The following MYO18B variants were observed in gnomAD, a reference collection of about 807,000 sequenced individuals.
MYO18B encodes the protein myosin XVIIIB, also known as unconventional myosin-XVIIIb.
Under a neutral mutation model 273.0 loss-of-function variants are expected in MYO18B, and 204 were observed. The observed-to-expected ratio is 0.75, with a 90% confidence interval of 0.67 to 0.84. The LOEUF (loss-of-function observed/expected upper bound fraction) is 0.84. Ranked by LOEUF, MYO18B falls within the 40% of genes least tolerant of loss-of-function variation. MYO18B has a pLI of 0.00. For synonymous variants in MYO18B, 1,330 were observed against 1,305.7 expected, an observed-to-expected ratio of 1.02 and a Z score of -0.40; for missense variants, 3,212 against 3,287.6, an observed-to-expected ratio of 0.98 and a Z score of 0.56.
intron 32 of MYO18B, 72 bp downstream of exon 32, chr22:25,908,504 G>T: frequency 1.6e-6 from 2 of 1,281,636 alleles, no homozygotes; most frequent in Non-Finnish European, 2.2e-6. Flanking sequence ...CTTCCTTAGA[G>T]CGAGGAGTAG....
intron 42 of MYO18B, among the ~76,000 whole-genome samples, chr22:26,006,834 T>A (rs1409891429): frequency 6.6e-6 from 1 of 152,198 alleles, no homozygotes; most frequent in African/African-American, 2.4e-5. Context: ...TAGCCATTTT[T>A]ATCAGCAGCA....
Position 25,946,179 on chromosome 22 carries a change from CAGA to C in MYO18B, c.5563_5565del (p.Lys1855del). 6.3e-7 allele frequency: 1 copy of C among 1,580,524 alleles called. No individual in the cohort carries two copies. The highest frequency in any genetic ancestry group is 8.6e-7 in the Non-Finnish European group (1 of 1,166,152). On this transcript the variant is annotated inframe_deletion, in exon 35 of 44. Coordinates refer to ENST00000335473, the MANE Select transcript of MYO18B (RefSeq NM_032608.7). ...CAAGTGTGAGGAGGCCTTGAAGACG[CAGA>C]AGGTGCTCACAGCGGACCTGGAGAG...
Position 26,027,796 on chromosome 22 carries a change from T to G in MYO18B, c.*12+106T>G. 2.3e-5 allele frequency: 29 copies of G among 1,241,060 alleles called. No individual in the cohort carries two copies. The highest frequency in any genetic ancestry group is 3.1e-5 in the Non-Finnish European group (28 of 916,594). 76.9% of individuals were successfully genotyped at this position (1,241,060 alleles called of 1,614,324 possible). A position where few individuals can be genotyped will look rare whatever the true frequency, so the allele number is the denominator to read the frequency against. ...TCCTTAATGCCACAACCGATTTCTC[T>G]AGAGACCAAGATTTTTAGAGGTTTT... is the stretch of plus-strand genomic sequence containing the variant. On this transcript the variant is annotated intron_variant, in intron 43 of 43. Transcript: ENST00000335473. This position sits in a 1 kb window ranked among gnomAD's most constrained non-coding sequence, Gnocchi z 4.1.
intron 12 of MYO18B, among the ~76,000 whole-genome samples, chr22:25,806,703 C>A (rs995048647): frequency 6.6e-6 from 1 of 152,188 alleles, no homozygotes; most frequent in African/African-American, 2.4e-5. Flanking sequence ...CAAAAAGTGG[C>A]CTGTGGAACC....
intron 25 of MYO18B, among the ~76,000 whole-genome samples, chr22:25,886,524 G>A (rs184197166): frequency 4.6e-4 from 70 of 152,282 alleles, no homozygotes; most frequent in African/African-American, 1.5e-3. Context: ...GGGAGTGGGG[G>A]CTTCCCTTCC....
intron 30 of MYO18B, 149 bp from the exon 31 acceptor site, chr22:25,903,482 T>G (rs2146347366): frequency 1.3e-6 from 1 of 748,952 alleles, no homozygotes; most frequent in Middle Eastern, 3.9e-4. Flanking sequence ...CAGGGGGCGC[T>G]GTGAGGGACG....
intron 21 of MYO18B, among the ~76,000 whole-genome samples, chr22:25,854,906 C>T (rs1289265541): frequency 2.6e-5 from 4 of 152,260 alleles, no homozygotes; most frequent in African/African-American, 4.8e-5. Flanking sequence ...CCTGTCCATT[C>T]GACTGTCAGT....
chr22:25,757,289 C>T (rs978103725), intron 1 of MYO18B, among the ~76,000 whole-genome samples: 1 of 151,878 alleles, frequency 6.6e-6, no homozygotes, highest in Non-Finnish European at 1.5e-5. Flanking sequence ...CAGCTACTTC[C>T]AGGCTTACAA....
chr22:25,794,842 C>T (rs781571125), intron 11 of MYO18B, among the ~76,000 whole-genome samples: 25 of 152,200 alleles, frequency 1.6e-4, no homozygotes, highest in Non-Finnish European at 2.8e-4. Flanking sequence ...CAACTATCTG[C>T]CAGATCAAGA....
At chr22:25,978,234 T>C (rs112678691) in intron 39 of MYO18B, among the ~76,000 whole-genome samples, 2,996 of 152,160 alleles carry the variant, frequency 0.02, 97 homozygotes, top group African/African-American at 0.069. Flanking sequence ...ACTAATTCTA[T>C]GAGAGGGAGC....
chr22:25,967,715 G>C (rs1199109696), intron 39 of MYO18B, among the ~76,000 whole-genome samples: 1 of 152,162 alleles, frequency 6.6e-6, no homozygotes, highest in Non-Finnish European at 1.5e-5. Context: ...TTAAGCAAAA[G>C]GAAATTTATT....
intron 1 of MYO18B, among the ~76,000 whole-genome samples, chr22:25,758,116 C>A (rs908319899): frequency 7.2e-5 from 11 of 152,164 alleles, no homozygotes; most frequent in African/African-American, 2.7e-4. Context: ...CGGATTCAAG[C>A]AATTCTCCCA....
intron 16 of MYO18B, among the ~76,000 whole-genome samples, chr22:25,833,687 G>T (rs2089795770): frequency 6.6e-6 from 1 of 152,274 alleles, no homozygotes; most frequent in East Asian, 1.9e-4. Context: ...ACCTCTCTGA[G>T]CCTCAGTTTC....
chr22:25,896,222 G>A (rs902983673), intron 28 of MYO18B: 3 of 152,076 alleles, frequency 2.0e-5, no homozygotes, highest in African/African-American at 4.8e-5. Context: ...AAATTCTTAC[G>A]AGAGTACTTC....
Position 25,818,798 on chromosome 22 carries a change from A to G in MYO18B, c.2522-4707A>G, listed in dbSNP as rs1212548603. On this transcript the variant is annotated intron_variant, in intron 12 of 43. Transcript: ENST00000335473. ...ATTTTTTGAGCACCTTTTCTGGGCC[A>G]GGCACTCTGCTGGGTATCTCACATG... is the stretch of plus-strand genomic sequence containing the variant. Among the ~76,000 whole-genome samples the G allele has an allele frequency of 3.9e-5, 6 of 152,122 alleles. 1 individual carries two copies. Among genetic ancestry groups the G allele is most frequent in the Admixed American group, 2.0e-4 (3 of 15,270 alleles).
chr22:25,992,551 G>A, intron 40 of MYO18B, 58 bp downstream of exon 40: 2 of 1,607,190 alleles, frequency 1.2e-6, no homozygotes, highest in Non-Finnish European at 1.7e-6. Context: ...ATCCTGGGGA[G>A]CTCTATGCCC....
intron 28 of MYO18B, 177 bp from the exon 29 acceptor site, chr22:25,898,130 A>G: frequency 3.3e-6 from 2 of 613,276 alleles, no homozygotes; most frequent in Non-Finnish European, 5.5e-6. Context: ...ACTGAGGCTC[A>G]GAAAAGTAGC....
chr22:25,772,430 G>A lies in MYO18B; in HGVS notation c.1789G>A (p.Ala597Thr), dbSNP rs769000463. The A allele has an allele frequency of 1.2e-6, 2 of 1,613,924 alleles. No individual in the cohort carries two copies. Among genetic ancestry groups the A allele is most frequent in the Non-Finnish European group, 1.7e-6 (2 of 1,179,908 alleles). Residue 597 changes from alanine to threonine, a missense_variant, in exon 7 of 44, where the codon GCT becomes ACT. Ala to Thr is a moderately conservative substitution (Grantham distance 58, BLOSUM62 0). Transcript: ENST00000335473. ...GAACACGCTTCTGCAGCGCTACAAA[G>A]CTCAGCTGCTGCACACCTGCACAGG... ...VLNTLLQRYKAQLLHTCTGPD... is the reference protein window; with the variant it reads ...VLNTLLQRYKTQLLHTCTGPD...
chr22:26,029,211 T>C (rs1201204399), intron 43 of MYO18B, among the ~76,000 whole-genome samples: 1 of 152,160 alleles, frequency 6.6e-6, no homozygotes, highest in African/African-American at 2.4e-5. Flanking sequence ...AGTCACTGAA[T>C]CTCAGAACTT....
Sources: allele counts gnomAD v4.1 joint callset (sites outside exome capture counted in the v4.1 genomes callset), GRCh38; gene constraint gnomAD v4.1.1; non-coding constraint Gnocchi (gnomAD v3.1); transcripts MANE v1.5; gene names NCBI Gene and HGNC (gene_info 2026-07-23, HGNC 2026-07-21).